Variants in SLC30A8 observed in about 807,000 individuals in gnomAD.
The protein encoded by SLC30A8 is solute carrier family 30 member 8.
In SLC30A8, 27 loss-of-function variants were observed where a neutral mutation model predicts 36.9. That is an observed-to-expected ratio of 0.73 (90% confidence interval 0.54 to 1.01). The LOEUF is 1.01. Among genes scored for constraint, SLC30A8 ranks in the 50% least tolerant of loss-of-function variants. SLC30A8 has a pLI of 0.00. For synonymous variants in SLC30A8, 164 were observed against 172.4 expected, an observed-to-expected ratio of 0.95 and a Z score of 0.38; for missense variants, 439 against 452.0, an observed-to-expected ratio of 0.97 and a Z score of 0.26.
intron 7 of SLC30A8, among the ~76,000 whole-genome samples, 191 bp downstream of exon 7, chr8:117,171,359 G>A (rs890900473): frequency 3.9e-5 from 6 of 151,934 alleles, no homozygotes; most frequent in African/African-American, 1.5e-4. Context: ...TGATACCCAC[G>A]ACATTCTTGG....
intron 2 of SLC30A8, among the ~76,000 whole-genome samples, chr8:117,097,564 A>ATATAATATATAATTTTAAATAATATATAT (rs1563594093): frequency 1.5e-4 from 12 of 79,954 alleles, no homozygotes; most frequent in African/African-American, 5.7e-4. Context: ...TATATATTAT[A>ATATAATATATAATTTTAAATAATATATAT]TATAATATAT....
At chr8:117,074,318 G>T (rs1432738104) in intron 2 of SLC30A8, among the ~76,000 whole-genome samples, 1 of 152,090 alleles carries the variant, frequency 6.6e-6, no homozygotes, top group East Asian at 1.9e-4. Flanking sequence ...AGTCAACATG[G>T]AACAAAAGAA....
intron 2 of SLC30A8, among the ~76,000 whole-genome samples, chr8:117,068,853 A>G (rs1329876771): frequency 6.6e-6 from 1 of 152,130 alleles, no homozygotes; most frequent in Admixed American, 6.6e-5. Flanking sequence ...CTGGGATTAC[A>G]GGCGCGAGCC....
chr8:117,012,728 C>CACACAT (rs1193645734), intron 1 of SLC30A8, among the ~76,000 whole-genome samples: 1 of 142,766 alleles, frequency 7.0e-6, no homozygotes, highest in East Asian at 2.1e-4. Flanking sequence ...TATGTATACA[C>CACACAT]ACACACACAC....
At chr8:117,124,089 A>G (rs1374609309) in intron 2 of SLC30A8, among the ~76,000 whole-genome samples, 2 of 151,970 alleles carry the variant, frequency 1.3e-5, no homozygotes, top group Non-Finnish European at 2.9e-5. Context: ...GTTAGGACCA[A>G]CTGCTTCCCA....
intron 1 of SLC30A8, among the ~76,000 whole-genome samples, chr8:117,018,588 A>T (rs1816597493): frequency 6.6e-6 from 1 of 151,774 alleles, no homozygotes; most frequent in Non-Finnish European, 1.5e-5. Flanking sequence ...ACTGTGTTGC[A>T]TAGCACTGTT....
upstream of SLC30A8, among the ~76,000 whole-genome samples, chr8:117,132,464 A>G (rs1488145740): frequency 1.3e-5 from 2 of 152,106 alleles, no homozygotes; most frequent in African/African-American, 2.4e-5. Flanking sequence ...AGTTACTCCA[A>G]GCTTGTGAAG....
In SLC30A8 at chr8:116,970,968, G is replaced by A. The variant is rs149645406; in HGVS notation, c.-266+19849G>A. Among the ~76,000 whole-genome samples the A allele has an allele frequency of 1.8e-3, 269 of 152,190 alleles. 2 individuals carry two copies. Among genetic ancestry groups the A allele is most frequent in the African/African-American group, 6.0e-3 (249 of 41,518 alleles). On this transcript the variant is annotated intron_variant, in intron 1 of 10. Transcript: ENST00000427715. ...AAGTTAGCCAGTTGTAGTGGTGCATGCCTGTAATCCCAGCTACTTGGGAGG... is the reference window on the plus strand; with the variant it reads ...AAGTTAGCCAGTTGTAGTGGTGCATACCTGTAATCCCAGCTACTTGGGAGG...
intron 2 of SLC30A8, among the ~76,000 whole-genome samples, chr8:117,118,154 A>G (rs1820531081): frequency 6.8e-6 from 1 of 147,950 alleles, no homozygotes; most frequent in African/African-American, 2.5e-5. Flanking sequence ...TTCAGTTCAG[A>G]TGGTATACCT....
intron 2 of SLC30A8, among the ~76,000 whole-genome samples, chr8:117,047,717 A>G (rs1180719205): frequency 2.6e-5 from 4 of 152,220 alleles, no homozygotes; most frequent in Non-Finnish European, 4.4e-5. Context: ...GAAGCTCGTT[A>G]AAATGAGGCT....
At chr8:117,027,971 A>G (rs1816924098) in intron 1 of SLC30A8, among the ~76,000 whole-genome samples, 1 of 152,182 alleles carries the variant, frequency 6.6e-6, no homozygotes. Flanking sequence ...CCTGAGCTTA[A>G]TTAAGATATT....
intron 2 of SLC30A8, among the ~76,000 whole-genome samples, chr8:117,070,443 T>C (rs1015621535): frequency 4.6e-5 from 7 of 152,140 alleles, no homozygotes; most frequent in African/African-American, 1.4e-4. Flanking sequence ...CAGGGCAGCA[T>C]TTCAATAGCA....
At chr8:117,032,672 C>T (rs929571582) in intron 1 of SLC30A8, among the ~76,000 whole-genome samples, 39 of 152,244 alleles carry the variant, frequency 2.6e-4, no homozygotes, top group African/African-American at 9.4e-4. Context: ...GGCAGATAAC[C>T]TGAGGTCAGG....
intron 1 of SLC30A8, among the ~76,000 whole-genome samples, chr8:117,004,849 A>C (rs1816121344): frequency 1.3e-5 from 2 of 152,164 alleles, no homozygotes. Flanking sequence ...CTTTCGATGC[A>C]CGTTTGACTC....
intron 2 of SLC30A8, among the ~76,000 whole-genome samples, chr8:117,112,032 G>C (rs1395455892): frequency 6.6e-6 from 1 of 151,994 alleles, no homozygotes; most frequent in Non-Finnish European, 1.5e-5. Context: ...GCAGCATCTG[G>C]GCTATGCGTC....
chr8:116,954,206 G>A (rs1814104479), intron 1 of SLC30A8, among the ~76,000 whole-genome samples: 1 of 152,148 alleles, frequency 6.6e-6, no homozygotes. Context: ...TGACAGTAGA[G>A]GGCACCAGAA....
At chr8:117,028,600 A>G (rs1816943447) in intron 1 of SLC30A8, among the ~76,000 whole-genome samples, 1 of 151,908 alleles carries the variant, frequency 6.6e-6, no homozygotes, top group Non-Finnish European at 1.5e-5. Flanking sequence ...GACTAGGTCA[A>G]AGAGGAATGG....
intron 2 of SLC30A8, among the ~76,000 whole-genome samples, chr8:117,148,992 C>G (rs1190674313): frequency 6.6e-6 from 1 of 152,064 alleles, no homozygotes; most frequent in African/African-American, 2.4e-5. Context: ...AGGACATCAC[C>G]CTGTCTTGTG....
At chr8:117,088,721 A>C (rs577205867) in intron 2 of SLC30A8, among the ~76,000 whole-genome samples, 2 of 152,152 alleles carry the variant, frequency 1.3e-5, no homozygotes. Context: ...GGTAATACAC[A>C]TGTTTTTCCA....
Sources: gnomAD v4.1 joint callset for allele counts (sites outside exome capture counted in the v4.1 genomes callset) on GRCh38, gnomAD v4.1.1 for gene constraint, MANE v1.5 for transcripts, NCBI Gene and HGNC (gene_info 2026-07-23, HGNC 2026-07-21) for gene names.